THSD4: variants seen among roughly 807,000 people sequenced by gnomAD.
The protein encoded by THSD4 is thrombospondin type 1 domain containing 4, also known as thrombospondin type-1 domain-containing protein 4.
THSD4 carries 69 observed loss-of-function variants against 119.0 expected under a neutral mutation model. That is an observed-to-expected ratio of 0.58 (90% confidence interval 0.48 to 0.71). THSD4 has a LOEUF of 0.71. THSD4 is among the 30% of genes least tolerant of loss of function. THSD4 has a pLI of 0.00. For synonymous variants in THSD4, 524 were observed against 540.4 expected, an observed-to-expected ratio of 0.97 and a Z score of 0.42; for missense variants, 1,393 against 1,391.1, an observed-to-expected ratio of 1.00 and a Z score of -0.02.
intron 6 of THSD4, among the ~76,000 whole-genome samples, chr15:71,365,122 C>A (rs1413813857): frequency 3.5e-5 from 3 of 84,868 alleles, no homozygotes; most frequent in Non-Finnish European, 8.6e-5. Flanking sequence ...ATATCCACTG[C>A]CCCCCCCATT....
intron 1 of THSD4, among the ~76,000 whole-genome samples, chr15:71,120,086 C>T (rs1371785786): frequency 6.6e-6 from 1 of 152,236 alleles, no homozygotes; most frequent in Non-Finnish European, 1.5e-5. Context: ...TATGTAATCT[C>T]AGGCCCCCTC....
chr15:71,752,158 C>T (rs570798880), intron 14 of THSD4, among the ~76,000 whole-genome samples: 3 of 152,282 alleles, frequency 2.0e-5, no homozygotes, highest in African/African-American at 7.2e-5. Flanking sequence ...GAGCACAATA[C>T]GTACAGAGAA....
At chr15:71,575,432 G>A (rs2049431436) in intron 7 of THSD4, among the ~76,000 whole-genome samples, 1 of 152,134 alleles carries the variant, frequency 6.6e-6, no homozygotes, top group Admixed American at 6.6e-5. Context: ...TGCATACTTT[G>A]TAAGTTGCCT....
At chr15:71,340,363 G>C (rs966995829) in intron 6 of THSD4, among the ~76,000 whole-genome samples, 3 of 152,162 alleles carry the variant, frequency 2.0e-5, no homozygotes, top group African/African-American at 4.8e-5. Context: ...AGAAGTCCTG[G>C]AACTCTGAAT....
chr15:71,729,649 G>A (rs1249081787), intron 9 of THSD4: 1 of 152,010 alleles, frequency 6.6e-6, no homozygotes, highest in Non-Finnish European at 1.5e-5. Context: ...CAGTTGGTTG[G>A]TTGAATCTGA....
intron 7 of THSD4, among the ~76,000 whole-genome samples, chr15:71,453,445 C>T (rs1003320926): frequency 6.6e-6 from 1 of 152,148 alleles, no homozygotes; most frequent in Non-Finnish European, 1.5e-5. Context: ...ACTGTGAGGG[C>T]CATGGAGCAA....
At chr15:71,596,321 T>G (rs566252646) in intron 7 of THSD4, among the ~76,000 whole-genome samples, 97 of 152,290 alleles carry the variant, frequency 6.4e-4, no homozygotes, top group African/African-American at 2.3e-3. Context: ...TTTTCTCTCT[T>G]TCTTCTTCTT....
At chr15:71,498,641 C>T (rs1013250748) in intron 7 of THSD4, among the ~76,000 whole-genome samples, 2 of 152,124 alleles carry the variant, frequency 1.3e-5, no homozygotes, top group Admixed American at 1.3e-4. Context: ...CCCTCTCTGC[C>T]TCTGGTTTCT....
At chr15:71,397,801 C>A (rs528197340) in intron 6 of THSD4, among the ~76,000 whole-genome samples, 12 of 152,296 alleles carry the variant, frequency 7.9e-5, no homozygotes, top group African/African-American at 2.6e-4. Flanking sequence ...GGTTTCTCAT[C>A]TGTAAAATGG....
rs546933134 is a variant in THSD4, at chr15:71,389,849, A to T, written c.1016-21838A>T. Among the ~76,000 whole-genome samples the T allele has an allele frequency of 1.6e-4, 18 of 112,114 alleles. No homozygotes were observed. In the Admixed American group the frequency reaches 1.7e-3, roughly 11 times the overall value. 73.6% of individuals were successfully genotyped at this position (112,114 alleles called of 152,430 possible). ...TTTTGACACAGAGTCTCGCTCTGTC[A>T]CTCAGGCTGGAATGCAGTGGCATGA... On this transcript the variant is annotated intron_variant, in intron 6 of 17. Coordinates refer to ENST00000261862, the MANE Select transcript of THSD4 (RefSeq NM_024817.3).
At chr15:71,531,615 C>A (rs868238123) in intron 7 of THSD4, among the ~76,000 whole-genome samples, 1 of 152,204 alleles carries the variant, frequency 6.6e-6, no homozygotes, top group Non-Finnish European at 1.5e-5. Flanking sequence ...CTTTTCCAAG[C>A]CTTGACCTGA....
chr15:71,485,989 A>G (rs2047810600), intron 7 of THSD4, among the ~76,000 whole-genome samples: 1 of 152,194 alleles, frequency 6.6e-6, no homozygotes, highest in African/African-American at 2.4e-5. Flanking sequence ...ATCCTTTTTT[A>G]GAAAATAAAT....
At chr15:71,538,398 C>G (rs62026273) in intron 7 of THSD4, among the ~76,000 whole-genome samples, 3 of 152,012 alleles carry the variant, frequency 2.0e-5, no homozygotes, top group Non-Finnish European at 2.9e-5. Flanking sequence ...CACGAAATCC[C>G]TCTACATGTT....
chr15:71,224,043 G>C (rs544707218), intron 4 of THSD4, among the ~76,000 whole-genome samples: 1 of 152,128 alleles, frequency 6.6e-6, no homozygotes, highest in African/African-American at 2.4e-5. Context: ...GGAAGACAAC[G>C]GAGAACTGGA....
At chr15:71,426,628 T>C (rs1372072123) in intron 7 of THSD4, among the ~76,000 whole-genome samples, 3 of 152,184 alleles carry the variant, frequency 2.0e-5, no homozygotes, top group Non-Finnish European at 4.4e-5. Context: ...GATATTTGCA[T>C]GATTTCACCC....
intron 6 of THSD4, among the ~76,000 whole-genome samples, chr15:71,361,201 A>G (rs1399081595): frequency 6.6e-6 from 1 of 152,206 alleles, no homozygotes; most frequent in Non-Finnish European, 1.5e-5. Context: ...GGAGAAGACC[A>G]TACATGTCTT....
At chr15:71,617,706 C>T (rs2140921714) in intron 7 of THSD4, among the ~76,000 whole-genome samples, 1 of 152,332 alleles carries the variant, frequency 6.6e-6, no homozygotes, top group Middle Eastern at 3.4e-3. Context: ...GAACAAAATG[C>T]AGTGAGCCAC....
chr15:71,581,530 T>C (rs571945426), intron 7 of THSD4, among the ~76,000 whole-genome samples: 7 of 152,336 alleles, frequency 4.6e-5, no homozygotes, highest in Admixed American at 3.9e-4. Flanking sequence ...AGAAGATTTT[T>C]AGTCTGATGC....
At chr15:71,683,586 A>G (rs141989141) in intron 8 of THSD4, among the ~76,000 whole-genome samples, 3 of 152,322 alleles carry the variant, frequency 2.0e-5, no homozygotes, top group African/African-American at 7.2e-5. Context: ...TAGGTTGTCA[A>G]TGTCTTAAGG....
Sources: allele counts gnomAD v4.1 joint callset (sites outside exome capture counted in the v4.1 genomes callset), GRCh38; gene constraint gnomAD v4.1.1; transcripts MANE v1.5; gene names NCBI Gene and HGNC (gene_info 2026-07-23, HGNC 2026-07-21).